The following EIF4E3 variants were observed in gnomAD, a reference collection of about 807,000 sequenced individuals.
EIF4E3 encodes eukaryotic translation initiation factor 4E family member 3, also known as eukaryotic translation initiation factor 4E type 3.
In EIF4E3, 26 loss-of-function variants were observed where a neutral mutation model predicts 31.7. The observed-to-expected ratio is 0.82, with a 90% CI of 0.60 to 1.14. The LOEUF is 1.14. Among genes scored for constraint, EIF4E3 ranks in the 50% most tolerant of loss-of-function variants. EIF4E3 has a pLI of 0.00. For synonymous variants in EIF4E3, 128 were observed against 107.7 expected, an observed-to-expected ratio of 1.19 and a Z score of -1.17; for missense variants, 304 against 270.9, an observed-to-expected ratio of 1.12 and a Z score of -0.86.
At chr3:71,704,515 C>G (rs957873456) in intron 2 of EIF4E3, among the ~76,000 whole-genome samples, 2 of 152,220 alleles carry the variant, frequency 1.3e-5, no homozygotes, top group African/African-American at 4.8e-5. Context: ...TCCCCTCATT[C>G]TGGTGGGGTC....
At chr3:71,665,911 G>C in the EIF4E3 span, among the ~76,000 whole-genome samples, 1 of 152,180 alleles carries the variant, frequency 6.6e-6, no homozygotes, top group Non-Finnish European at 1.5e-5. Flanking sequence ...TGAGAACAAA[G>C]ACACAATGTA....
intron 1 of EIF4E3, among the ~76,000 whole-genome samples, chr3:71,733,979 G>A (rs998921559): frequency 6.6e-6 from 1 of 152,190 alleles, no homozygotes; most frequent in African/African-American, 2.4e-5. Flanking sequence ...TTAGGCCAAT[G>A]AGACCCCTTC....
downstream of EIF4E3, among the ~76,000 whole-genome samples, chr3:71,673,450 G>A (rs750636409): frequency 1.3e-5 from 2 of 151,874 alleles, no homozygotes; most frequent in African/African-American, 2.4e-5. Flanking sequence ...TGTGGTTACT[G>A]AATTCAGTGT....
At chr3:71,749,737 AATAATTTGATT>A (rs2049908354) in intron 1 of EIF4E3, among the ~76,000 whole-genome samples, 1 of 152,240 alleles carries the variant, frequency 6.6e-6, no homozygotes, top group Admixed American at 6.5e-5. Context: ...GTCCAAAAGG[AATAATTTGATT>A]ATACAAGAAT....
upstream of EIF4E3, chr3:71,754,658 C>T (rs779305064): frequency 1.3e-6 from 2 of 1,503,378 alleles, no homozygotes; most frequent in South Asian, 1.2e-5. The surrounding 1 kb of genome is among the most constrained non-coding windows in gnomAD (Gnocchi z 5.8). Flanking sequence ...TCTACCTCCG[C>T]CTGCTCTTCT....
At chr3:71,734,416 G>A (rs1366462913) in intron 1 of EIF4E3, among the ~76,000 whole-genome samples, 1 of 152,130 alleles carries the variant, frequency 6.6e-6, no homozygotes, top group Non-Finnish European at 1.5e-5. Context: ...TTTGGGATGA[G>A]TCCCTATCAT....
intron 6 of EIF4E3, 133 bp downstream of exon 6, chr3:71,689,877 T>G: frequency 2.3e-6 from 2 of 873,368 alleles, no homozygotes; most frequent in Non-Finnish European, 3.1e-6. Flanking sequence ...AACTTAAATG[T>G]ATTTTGTTGA....
At chr3:71,712,090 G>C (rs1365690091) in intron 1 of EIF4E3, among the ~76,000 whole-genome samples, 1 of 152,310 alleles carries the variant, frequency 6.6e-6, no homozygotes, top group East Asian at 1.9e-4. Context: ...CCACTGGGCA[G>C]GTGCAGTCCA....
chr3:71,700,076 A>C (rs2049194245), intron 2 of EIF4E3, among the ~76,000 whole-genome samples: 1 of 152,148 alleles, frequency 6.6e-6, no homozygotes, highest in South Asian at 2.1e-4. Flanking sequence ...TAGGAGGTTG[A>C]GGTGGGAGAA....
At chr3:71,732,423 C>T (rs1313054904) in intron 1 of EIF4E3, among the ~76,000 whole-genome samples, 2 of 151,830 alleles carry the variant, frequency 1.3e-5, no homozygotes, top group African/African-American at 2.4e-5. Flanking sequence ...AAAGTCCCAA[C>T]GATGTCAGTA....
At chr3:71,661,829 T>C in the EIF4E3 span, among the ~76,000 whole-genome samples, 1 of 152,166 alleles carries the variant, frequency 6.6e-6, no homozygotes, top group East Asian at 1.9e-4. Context: ...GGTGAGATAA[T>C]GCTTAACACG....
chr3:71,727,520 T>C (rs2049654086), upstream of EIF4E3, among the ~76,000 whole-genome samples: 1 of 152,240 alleles, frequency 6.6e-6, no homozygotes, highest in Non-Finnish European at 1.5e-5. Flanking sequence ...CATTTTCTTA[T>C]ATAAATAATG....
chr3:71,696,622 C>T, intron 3 of EIF4E3, 102 bp from the exon 4 acceptor site: 1 of 1,337,996 alleles, frequency 7.5e-7, no homozygotes, highest in Non-Finnish European at 1.0e-6. Context: ...CAACAGATGA[C>T]CTTAAAAACA....
intron 2 of EIF4E3, among the ~76,000 whole-genome samples, chr3:71,707,280 G>T (rs992310876): frequency 6.6e-6 from 1 of 152,116 alleles, no homozygotes; most frequent in Non-Finnish European, 1.5e-5. Context: ...ATTCAGACAG[G>T]TTATATAACT....
intron 6 of EIF4E3, among the ~76,000 whole-genome samples, chr3:71,687,433 A>T (rs2049007256): frequency 6.6e-6 from 1 of 152,236 alleles, no homozygotes; most frequent in Non-Finnish European, 1.5e-5. Context: ...TATAATTTTC[A>T]TGTGTTACAA....
intron 5 of EIF4E3, 49 bp downstream of exon 5, chr3:71,693,826 A>G: frequency 6.8e-7 from 1 of 1,460,028 alleles, no homozygotes; most frequent in Non-Finnish European, 9.1e-7. Flanking sequence ...AACAAGCACA[A>G]GCCAGGAGCA....
chr3:71,735,322 T>C (rs573181862), intron 1 of EIF4E3, among the ~76,000 whole-genome samples: 7 of 152,130 alleles, frequency 4.6e-5, no homozygotes, highest in Non-Finnish European at 8.8e-5. Context: ...GGTGCGTAAA[T>C]AAAAAGACAT....
At chr3:71,670,701 C>G (rs1369833396), downstream of EIF4E3, among the ~76,000 whole-genome samples, 1 of 152,200 alleles carries the variant, frequency 6.6e-6, no homozygotes, top group Non-Finnish European at 1.5e-5. Context: ...ATCTCAAAAA[C>G]AGGCCCACCT....
intron 1 of EIF4E3, among the ~76,000 whole-genome samples, chr3:71,717,785 T>A (rs1045901414): frequency 3.3e-5 from 5 of 152,200 alleles, no homozygotes; most frequent in African/African-American, 1.2e-4. Flanking sequence ...GGGCCTCAAT[T>A]TTCTCATCTG....
Sources: allele counts gnomAD v4.1 joint callset (sites outside exome capture counted in the v4.1 genomes callset), GRCh38; gene constraint gnomAD v4.1.1; non-coding constraint Gnocchi (gnomAD v3.1); transcripts MANE v1.5; gene names NCBI Gene and HGNC (gene_info 2026-07-23, HGNC 2026-07-21).